Variants in CTDSPL2 observed in about 807,000 individuals in gnomAD.
CTDSPL2 encodes the protein CTD small phosphatase like 2, also known as CTD small phosphatase-like protein 2.
In CTDSPL2, 5 loss-of-function variants were observed where a neutral mutation model predicts 60.0. That is an observed-to-expected ratio of 0.08 (90% CI 0.04 to 0.18). CTDSPL2 has a LOEUF of 0.18. Among genes scored for constraint, CTDSPL2 ranks in the 10% least tolerant of loss-of-function variants. CTDSPL2 has a pLI of 1.00. For synonymous variants in CTDSPL2, 186 were observed against 189.3 expected, an observed-to-expected ratio of 0.98 and a Z score of 0.14; for missense variants, 370 against 548.8, an observed-to-expected ratio of 0.67 and a Z score of 3.26.
chr15:44,495,303 C>G (rs1365891116), intron 5 of CTDSPL2, among the ~76,000 whole-genome samples: 1 of 150,894 alleles, frequency 6.6e-6, no homozygotes, highest in African/African-American at 2.4e-5. Context: ...ATAGTCGTGG[C>G]CGGGTGCGGT....
intron 3 of CTDSPL2, among the ~76,000 whole-genome samples, chr15:44,485,495 C>T (rs1026267854): frequency 2.0e-5 from 3 of 152,162 alleles, no homozygotes; most frequent in Non-Finnish European, 2.9e-5. Context: ...TCATAAGGAT[C>T]GCACAACCTA....
Position 44,517,943 on chromosome 15 carries a change from C to T in CTDSPL2, c.1113-1226C>T, listed in dbSNP as rs1187705040. On this transcript the variant is annotated intron_variant, in intron 10 of 12. Coordinates refer to ENST00000260327, the MANE Select transcript of CTDSPL2 (RefSeq NM_016396.3). Reference sequence around the variant, plus strand: ...TTCCCGGGGCCAGATGATCGTTTGACTGTGATTATTAAAGTTATTCCTTAT... The same window carrying T: ...TTCCCGGGGCCAGATGATCGTTTGATTGTGATTATTAAAGTTATTCCTTAT... Among the ~76,000 whole-genome samples the T allele has an allele frequency of 2.6e-5, 4 of 152,144 alleles. No homozygotes were observed. In the East Asian group the frequency reaches 7.7e-4, roughly 29 times the overall value.
chr15:44,457,207 G>A (rs2080465951), intron 1 of CTDSPL2, among the ~76,000 whole-genome samples: 1 of 152,152 alleles, frequency 6.6e-6, no homozygotes, highest in South Asian at 2.1e-4. Context: ...ACTTCTCATA[G>A]CTGTGAAAGT....
chr15:44,452,239 C>G (rs189184976), intron 1 of CTDSPL2, among the ~76,000 whole-genome samples: 3 of 152,108 alleles, frequency 2.0e-5, no homozygotes, highest in Admixed American at 2.0e-4. Flanking sequence ...ATCTGTTTTG[C>G]TTTTTTTCTC....
chr15:44,508,661 C>G (rs938384468), intron 8 of CTDSPL2, among the ~76,000 whole-genome samples: 2 of 152,024 alleles, frequency 1.3e-5, no homozygotes, highest in Non-Finnish European at 2.9e-5. Context: ...TGTGGCTAGC[C>G]CCTGTAATCC....
intron 1 of CTDSPL2, among the ~76,000 whole-genome samples, chr15:44,432,432 G>A (rs1250968783): frequency 1.3e-5 from 2 of 151,792 alleles, no homozygotes; most frequent in Non-Finnish European, 2.9e-5. Context: ...CAATTCTCCC[G>A]CTTCAGCCTC....
At chr15:44,502,317 C>T (rs1053190166) in intron 8 of CTDSPL2, among the ~76,000 whole-genome samples, 1 of 151,668 alleles carries the variant, frequency 6.6e-6, no homozygotes. Context: ...ATGGAGTGTC[C>T]TCTTGGGACT....
chr15:44,463,767 G>A (rs1210942408), intron 2 of CTDSPL2, among the ~76,000 whole-genome samples: 2 of 152,150 alleles, frequency 1.3e-5, no homozygotes, highest in Admixed American at 1.3e-4. Context: ...TGCGTTGAGT[G>A]TCTAGACAAT....
intron 1 of CTDSPL2, among the ~76,000 whole-genome samples, chr15:44,433,867 C>T (rs1177589301): frequency 3.3e-5 from 5 of 149,528 alleles, no homozygotes; most frequent in African/African-American, 9.8e-5. Flanking sequence ...GCAGGAGAAT[C>T]GCTTGAACCC....
intron 1 of CTDSPL2, among the ~76,000 whole-genome samples, chr15:44,457,698 G>A (rs186615491): frequency 6.2e-4 from 95 of 152,174 alleles, no homozygotes; most frequent in African/African-American, 2.1e-3. Context: ...TGCAACCTCC[G>A]CCTCCCGGGT....
At chr15:44,456,853 C>CTTTTTTTTTTTCTTTTTTTTTTTTTTTT (rs2080454432) in intron 1 of CTDSPL2, among the ~76,000 whole-genome samples, 1 of 103,986 alleles carries the variant, frequency 9.6e-6, no homozygotes, top group African/African-American at 3.6e-5. Flanking sequence ...AGTTTTAGAT[C>CTTTTTTTTTTTCTTTTTTTTTTTTTTTT]TTTTTTTTTT....
intron 8 of CTDSPL2, among the ~76,000 whole-genome samples, chr15:44,507,365 T>C (rs2081487441): frequency 6.6e-6 from 1 of 152,230 alleles, no homozygotes; most frequent in Non-Finnish European, 1.5e-5. Flanking sequence ...ATTGTAGGCG[T>C]GAGCCACTGC....
chr15:44,460,912 C>A (rs969282580), intron 2 of CTDSPL2, among the ~76,000 whole-genome samples: 11 of 152,100 alleles, frequency 7.2e-5, no homozygotes, highest in Admixed American at 1.3e-4. Context: ...GGGAACCTTG[C>A]TACGTATTAT....
chr15:44,476,014 C>T (rs1306920836), intron 2 of CTDSPL2, among the ~76,000 whole-genome samples: 2 of 152,162 alleles, frequency 1.3e-5, no homozygotes, highest in Non-Finnish European at 2.9e-5. Context: ...GAAATCACAG[C>T]TCTTCTTACC....
chr15:44,453,806 T>C (rs2080379871), intron 1 of CTDSPL2, among the ~76,000 whole-genome samples: 1 of 152,198 alleles, frequency 6.6e-6, no homozygotes, highest in Non-Finnish European at 1.5e-5. Context: ...ATGCCACATT[T>C]TCTTAATCCA....
intron 1 of CTDSPL2, among the ~76,000 whole-genome samples, chr15:44,453,378 T>G (rs914692836): frequency 5.9e-5 from 9 of 152,374 alleles, no homozygotes; most frequent in African/African-American, 2.2e-4. Context: ...AAATGCTTTT[T>G]CTGCATTAAT....
At position 44,459,091 on chromosome 15, in the gene CTDSPL2, A is replaced by G; in HGVS notation, c.77A>G (p.Lys26Arg). 1.9e-6 allele frequency: 3 copies of G among 1,613,150 alleles called. No homozygotes were observed. The highest frequency in any genetic ancestry group is 2.5e-6 in the Non-Finnish European group (3 of 1,179,514). The change falls in exon 2 of 13, where the codon AAA becomes AGA. Residue 26 changes from lysine to arginine, a missense_variant. Lys to Arg is a conservative substitution (Grantham distance 26). This residue lies in a region of CTDSPL2 where 287 missense variants were observed against 296.1 expected (regional missense o/e 0.97). Coordinates refer to ENST00000260327, the MANE Select transcript of CTDSPL2 (RefSeq NM_016396.3). ...QTQRTARAKR[K>R]YSEVDDSLPS... The stretch of plus-strand genomic sequence containing the variant: ...CAACGCACTGCCAGAGCAAAGAGGA[A>G]ATATTCAGAGGTTGATGATAGCCTG...
chr15:44,476,703 G>C (rs1335711333), intron 2 of CTDSPL2, among the ~76,000 whole-genome samples: 1 of 152,162 alleles, frequency 6.6e-6, no homozygotes, highest in East Asian at 1.9e-4. Flanking sequence ...TAGAGCGATA[G>C]GTGTGTGGTA....
intron 2 of CTDSPL2, among the ~76,000 whole-genome samples, chr15:44,474,656 G>T (rs1296337250): frequency 1.3e-5 from 2 of 151,996 alleles, no homozygotes; most frequent in Non-Finnish European, 2.9e-5. Context: ...AAGAGTTCGA[G>T]ACCAGCCTGG....
Sources: gnomAD v4.1 joint callset for allele counts (sites outside exome capture counted in the v4.1 genomes callset) on GRCh38, gnomAD v4.1.1 for gene constraint, gnomAD v4.1.1 regional missense constraint, MANE v1.5 for transcripts, NCBI Gene and HGNC (gene_info 2026-07-23, HGNC 2026-07-21) for gene names.